PALM2AKAP2: variants seen among roughly 807,000 people sequenced by gnomAD.
PALM2AKAP2 encodes the protein PALM2 and AKAP2 fusion.
A neutral mutation model predicts 71.5 loss-of-function variants in PALM2AKAP2; 37 were observed. The ratio of observed to expected loss-of-function variants is 0.52; its 90% CI spans 0.40 to 0.68. The LOEUF (loss-of-function observed/expected upper bound fraction) is 0.68. Ranked by LOEUF, PALM2AKAP2 falls within the 30% of genes least tolerant of loss-of-function variation. The pLI is 0.00. For missense variants in PALM2AKAP2, 1,224 were observed against 1,191.8 expected (o/e 1.03, Z -0.40); for synonymous variants, 468 against 478.8 (o/e 0.98, Z 0.29).
chr9:110,110,835 C>G (rs1835233219), intron 1 of PALM2AKAP2, among the ~76,000 whole-genome samples: 1 of 152,032 alleles, frequency 6.6e-6, no homozygotes, highest in Admixed American at 6.5e-5. Flanking sequence ...GCGTGAGCCA[C>G]CATGCCTGGC....
chr9:109,965,400 C>T (rs947918654), intron 6 of PALM2AKAP2, among the ~76,000 whole-genome samples: 1 of 152,138 alleles, frequency 6.6e-6, no homozygotes, highest in African/African-American at 2.4e-5. Flanking sequence ...GAATATTATT[C>T]AGCCATAAAA....
At chr9:110,008,096 G>A (rs993372722) in intron 6 of PALM2AKAP2, among the ~76,000 whole-genome samples, 3 of 152,176 alleles carry the variant, frequency 2.0e-5, no homozygotes, top group Non-Finnish European at 4.4e-5. Flanking sequence ...GGGAAAGTTT[G>A]AGTTATACCT....
chr9:109,998,089 G>A (rs921219731), intron 6 of PALM2AKAP2, among the ~76,000 whole-genome samples: 7 of 152,106 alleles, frequency 4.6e-5, no homozygotes, highest in African/African-American at 1.7e-4. Context: ...TCTGTGCAGA[G>A]ACTCTAGTGA....
chr9:109,711,993 TTGTGTGTGTGTG>T (rs10611227), intron 1 of PALM2AKAP2, among the ~76,000 whole-genome samples: 320 of 148,714 alleles, frequency 2.2e-3, no homozygotes, highest in African/African-American at 7.7e-3. Flanking sequence ...GTGTGAGTGC[TTGTGTGTGTGTG>T]TGTGTGTGTG....
intron 3 of PALM2AKAP2, among the ~76,000 whole-genome samples, chr9:109,888,507 G>A (rs561803785): frequency 1.3e-5 from 2 of 152,070 alleles, no homozygotes; most frequent in Admixed American, 6.5e-5. Context: ...TCAGGAGTCC[G>A]AGACCAGCCT....
At chr9:109,671,976 A>T (rs114748992) in intron 1 of PALM2AKAP2, among the ~76,000 whole-genome samples, 1,644 of 152,212 alleles carry the variant, frequency 0.011, 31 homozygotes, top group East Asian at 0.046. Context: ...GAAGTTGTTT[A>T]TCAGCATCAG....
intron 1 of PALM2AKAP2, among the ~76,000 whole-genome samples, chr9:109,810,706 A>C (rs977184867): frequency 6.6e-6 from 1 of 152,074 alleles, no homozygotes; most frequent in Admixed American, 6.6e-5. Flanking sequence ...ACTTTTAGAG[A>C]TATGACAGTA....
At chr9:110,044,989 T>C (rs995094857), upstream of PALM2AKAP2, among the ~76,000 whole-genome samples, 1 of 152,206 alleles carries the variant, frequency 6.6e-6, no homozygotes, top group African/African-American at 2.4e-5. Context: ...TCTCAACCTG[T>C]ATCTAGGCTA....
intron 1 of PALM2AKAP2, among the ~76,000 whole-genome samples, chr9:109,750,773 A>G (rs1443510457): frequency 3.3e-5 from 5 of 152,208 alleles, no homozygotes; most frequent in Non-Finnish European, 7.3e-5. Context: ...AATTTTTAAA[A>G]TGTTGGCAAT....
intron 2 of PALM2AKAP2, among the ~76,000 whole-genome samples, chr9:109,872,937 TA>T (rs1349048611): frequency 2.0e-5 from 3 of 152,168 alleles, no homozygotes; most frequent in Non-Finnish European, 4.4e-5. Context: ...GAATGGAAGT[TA>T]AAACCTGATT....
At chr9:109,695,815 C>G (rs1827960980) in intron 1 of PALM2AKAP2, among the ~76,000 whole-genome samples, 1 of 152,052 alleles carries the variant, frequency 6.6e-6, no homozygotes, top group Non-Finnish European at 1.5e-5. Flanking sequence ...TATGTGGGAG[C>G]TAAAACCGTA....
At chr9:110,119,342 A>G (rs1190692635) in intron 1 of PALM2AKAP2, among the ~76,000 whole-genome samples, 29 of 33,920 alleles carry the variant, frequency 8.5e-4, no homozygotes, top group African/African-American at 2.4e-3. Context: ...ACTCCATCTC[A>G]AAAAAAAAAA....
At chr9:109,910,802 T>G (rs1830553070) in intron 3 of PALM2AKAP2, among the ~76,000 whole-genome samples, 1 of 150,646 alleles carries the variant, frequency 6.6e-6, no homozygotes, top group African/African-American at 2.5e-5. Flanking sequence ...AGCAGGGCGG[T>G]GAGTGCAGAG....
At chr9:109,924,626 C>A (rs1830910846) in intron 4 of PALM2AKAP2, among the ~76,000 whole-genome samples, 1 of 151,912 alleles carries the variant, frequency 6.6e-6, no homozygotes, top group South Asian at 2.1e-4. Flanking sequence ...AAAACAAAGA[C>A]AAACAAACAA....
intron 1 of PALM2AKAP2, among the ~76,000 whole-genome samples, chr9:110,083,867 C>G (rs755556096): frequency 6.6e-6 from 1 of 152,184 alleles, no homozygotes; most frequent in African/African-American, 2.4e-5. Context: ...TCACACATAA[C>G]AAGTTTTCAG....
intron 1 of PALM2AKAP2, among the ~76,000 whole-genome samples, chr9:109,756,714 C>T (rs1484933701): frequency 1.3e-5 from 2 of 152,184 alleles, no homozygotes; most frequent in African/African-American, 4.8e-5. Context: ...ACTCTATGCA[C>T]TTTACTGGAT....
At chr9:110,025,827 T>G (rs1286529924) in intron 7 of PALM2AKAP2, among the ~76,000 whole-genome samples, 5 of 152,218 alleles carry the variant, frequency 3.3e-5, no homozygotes, top group Admixed American at 2.6e-4. Context: ...TGGCTATTTG[T>G]ATGCAGTTAA....
intron 1 of PALM2AKAP2, among the ~76,000 whole-genome samples, chr9:109,701,806 C>T (rs1032256649): frequency 6.6e-6 from 1 of 152,154 alleles, no homozygotes; most frequent in Non-Finnish European, 1.5e-5. Flanking sequence ...AGTGAACAGT[C>T]AACCTACAGA....
At chr9:110,079,642 G>C (rs917149091) in intron 1 of PALM2AKAP2, among the ~76,000 whole-genome samples, 2 of 152,182 alleles carry the variant, frequency 1.3e-5, no homozygotes, top group African/African-American at 4.8e-5. Context: ...TATAAATGGA[G>C]CATGATTCTA....
Sources: allele counts gnomAD v4.1 joint callset (sites outside exome capture counted in the v4.1 genomes callset), GRCh38; gene constraint gnomAD v4.1.1; transcripts MANE v1.5; gene names NCBI Gene and HGNC (gene_info 2026-07-23, HGNC 2026-07-21).